CTNNA2: variants seen among roughly 807,000 people sequenced by gnomAD.
The protein encoded by CTNNA2 is catenin alpha-2.
A neutral mutation model predicts 101.0 loss-of-function variants in CTNNA2; 42 were observed. The observed-to-expected ratio is 0.42, with a 90% confidence interval of 0.32 to 0.54. The LOEUF (loss-of-function observed/expected upper bound fraction) is 0.54, where lower values mean the gene tolerates loss of function less well. Among genes scored for constraint, CTNNA2 ranks in the 20% least tolerant of loss-of-function variants. The pLI, the probability that CTNNA2 is intolerant of heterozygous loss-of-function variation, is 0.14. For missense variants in CTNNA2, 871 were observed against 1,223.1 expected, an observed-to-expected ratio of 0.71 and a Z score of 4.29; for synonymous variants, 450 against 456.4, an observed-to-expected ratio of 0.99 and a Z score of 0.18.
chr2:79,869,663 A>G (rs1375382830), intron 4 of CTNNA2, among the ~76,000 whole-genome samples, 153 bp from the exon 5 acceptor site: 1 of 152,194 alleles, frequency 6.6e-6, no homozygotes, highest in African/African-American at 2.4e-5. Context: ...CTGACTACAC[A>G]TGATTGTTAG....
chr2:79,907,598 C>T (rs972336297), intron 6 of CTNNA2, among the ~76,000 whole-genome samples: 10 of 152,126 alleles, frequency 6.6e-5, no homozygotes, highest in East Asian at 1.9e-4. Flanking sequence ...GATTTTTTGA[C>T]GCTCAACAGC....
At chr2:80,229,651 T>G (rs1709082423) in intron 7 of CTNNA2, among the ~76,000 whole-genome samples, 1 of 152,144 alleles carries the variant, frequency 6.6e-6, no homozygotes, top group Admixed American at 6.5e-5. Flanking sequence ...TACATAGGCA[T>G]GATAGGTTAA....
chr2:80,372,439 C>A (rs965138894), intron 7 of CTNNA2, among the ~76,000 whole-genome samples: 4 of 144,170 alleles, frequency 2.8e-5, no homozygotes, highest in Non-Finnish European at 4.5e-5. Context: ...CTTAAAATTT[C>A]TCTGTCCTTC....
chr2:79,339,818 C>G (rs1237375234), intron 3 of CTNNA2: 3 of 152,220 alleles, frequency 2.0e-5, no homozygotes, highest in Non-Finnish European at 4.4e-5. Flanking sequence ...AAGCTCTTAT[C>G]TGAGGATTTC....
chr2:80,053,436 T>C (rs929102691), intron 7 of CTNNA2, among the ~76,000 whole-genome samples: 1 of 152,238 alleles, frequency 6.6e-6, no homozygotes, highest in African/African-American at 2.4e-5. Flanking sequence ...ATTCCCGTTT[T>C]ACAAATGAGG....
At chr2:79,558,334 A>G (rs1239804555) in intron 1 of CTNNA2, among the ~76,000 whole-genome samples, 3 of 151,988 alleles carry the variant, frequency 2.0e-5, no homozygotes, top group East Asian at 3.9e-4. Flanking sequence ...ATGCCATCTT[A>G]GTAAACTTCT....
chr2:80,141,211 T>C (rs1304501811), intron 7 of CTNNA2, among the ~76,000 whole-genome samples: 2 of 151,872 alleles, frequency 1.3e-5, no homozygotes, highest in Non-Finnish European at 2.9e-5. Flanking sequence ...TGTCTAGAGC[T>C]CTCCCTTTCT....
At chr2:80,207,646 T>A (rs1224681389) in intron 7 of CTNNA2, among the ~76,000 whole-genome samples, 1 of 152,150 alleles carries the variant, frequency 6.6e-6, no homozygotes, top group Non-Finnish European at 1.5e-5. Flanking sequence ...AAGTTCAGTC[T>A]GGGACAAGTT....
At chr2:80,258,866 A>T (rs1672377896) in intron 7 of CTNNA2, among the ~76,000 whole-genome samples, 1 of 151,802 alleles carries the variant, frequency 6.6e-6, no homozygotes, top group African/African-American at 2.4e-5. Flanking sequence ...GGTGGAAAGG[A>T]CTCTGCTCTT....
At chr2:79,791,854 A>G (rs988848443) in intron 3 of CTNNA2, among the ~76,000 whole-genome samples, 4 of 152,194 alleles carry the variant, frequency 2.6e-5, no homozygotes, top group African/African-American at 7.2e-5. Context: ...TGTAATTTGG[A>G]CAATGAGCTG....
At chr2:80,531,156 AG>A (rs1218425639) in intron 9 of CTNNA2, among the ~76,000 whole-genome samples, 1 of 152,174 alleles carries the variant, frequency 6.6e-6, no homozygotes, top group East Asian at 1.9e-4. Flanking sequence ...CAAGGACAGC[AG>A]TCAGGTTGTC....
intron 14 of CTNNA2, among the ~76,000 whole-genome samples, chr2:80,587,685 G>A (rs544026459): frequency 3.9e-5 from 6 of 152,258 alleles, no homozygotes; most frequent in Non-Finnish European, 7.4e-5. Flanking sequence ...ACAGGGAGAA[G>A]ATTTATAATT....
At chr2:80,320,432 A>G (rs1448532163) in intron 7 of CTNNA2, among the ~76,000 whole-genome samples, 2 of 152,150 alleles carry the variant, frequency 1.3e-5, no homozygotes, top group African/African-American at 4.8e-5. Flanking sequence ...TCTTGTACCT[A>G]TCTCTAGGAT....
Position 79,687,701 on chromosome 2 carries a change from AAAGC to A in CTNNA2, c.102+36045_102+36048del, listed in dbSNP as rs1455956327. 9.8e-6 allele frequency: 5 copies of A among 512,534 alleles called. No individual in the cohort carries two copies. The Admixed American group carries it at 1.6e-4, about 16-fold the overall frequency. 31.7% of individuals were successfully genotyped at this position (512,534 alleles called of 1,614,324 possible). A position where few individuals can be genotyped will look rare whatever the true frequency, so the allele number is the denominator to read the frequency against. ...AACTTAAAAAACTGGATGAAATATA[AAAGC>A]ATCTTTTGAATGTATTGTGACTTTT... On this transcript the variant is annotated intron_variant, in intron 2 of 18. Transcript: ENST00000402739.
intron 3 of CTNNA2, among the ~76,000 whole-genome samples, chr2:79,354,493 T>C (rs1677461860): frequency 6.6e-6 from 1 of 152,242 alleles, no homozygotes; most frequent in Non-Finnish European, 1.5e-5. Context: ...AACTGTATTA[T>C]AGAATTCCTG....
At chr2:80,474,804 TG>T (rs1413984443) in intron 9 of CTNNA2, among the ~76,000 whole-genome samples, 1 of 152,050 alleles carries the variant, frequency 6.6e-6, no homozygotes, top group Non-Finnish European at 1.5e-5. Context: ...AATAAAACCG[TG>T]GTAGAATTTT....
intron 2 of CTNNA2, among the ~76,000 whole-genome samples, chr2:79,302,783 T>A (rs79906082): frequency 6.6e-6 from 1 of 152,310 alleles, no homozygotes; most frequent in African/African-American, 2.4e-5. Context: ...TCATTTCAAA[T>A]TTTTCAACAA....
intron 4 of CTNNA2, among the ~76,000 whole-genome samples, chr2:79,392,806 G>T (rs527409203): frequency 6.6e-6 from 1 of 152,134 alleles, no homozygotes; most frequent in African/African-American, 2.4e-5. Flanking sequence ...GATATCCTAT[G>T]CAGTAGGACC....
At chr2:80,522,712 C>G (rs936868344) in intron 9 of CTNNA2, among the ~76,000 whole-genome samples, 1 of 152,068 alleles carries the variant, frequency 6.6e-6, no homozygotes. Flanking sequence ...TTCTTGCCAG[C>G]CACGTGAAGA....
Sources: gnomAD v4.1 joint callset for allele counts (sites outside exome capture counted in the v4.1 genomes callset) on GRCh38, gnomAD v4.1.1 for gene constraint, MANE v1.5 for transcripts, NCBI Gene and HGNC (gene_info 2026-07-23, HGNC 2026-07-21) for gene names.